The following LARGE1 variants were observed in gnomAD, a reference collection of about 807,000 sequenced individuals.
The protein encoded by LARGE1 is LARGE xylosyl- and glucuronyltransferase 1, also known as xylosyl- and glucuronyltransferase LARGE1.
A neutral mutation model predicts 87.6 loss-of-function variants in LARGE1; 43 were observed. That is an observed-to-expected ratio of 0.49 (90% CI 0.38 to 0.63). LARGE1 has a LOEUF of 0.63. Among genes scored for constraint, LARGE1 ranks in the 30% least tolerant of loss-of-function variants. The pLI is 0.00. For synonymous variants in LARGE1, 434 were observed against 394.6 expected, an observed-to-expected ratio of 1.10 and a Z score of -1.18; for missense variants, 802 against 1,000.2, an observed-to-expected ratio of 0.80 and a Z score of 2.67.
intron 7 of LARGE1, among the ~76,000 whole-genome samples, chr22:33,401,472 A>G (rs1342640194): frequency 6.6e-6 from 1 of 152,102 alleles, no homozygotes; most frequent in East Asian, 1.9e-4. Context: ...ATTAGTCATA[A>G]AAAAAATAAA....
At chr22:33,346,427 C>T (rs549207985) in intron 9 of LARGE1, among the ~76,000 whole-genome samples, 15 of 152,064 alleles carry the variant, frequency 9.9e-5, no homozygotes, top group African/African-American at 3.6e-4. Flanking sequence ...CTCAGCCTCC[C>T]GAGTAGCTGG....
At chr22:33,080,724 G>T in the LARGE1 span, among the ~76,000 whole-genome samples, 1 of 152,146 alleles carries the variant, frequency 6.6e-6, no homozygotes, top group Non-Finnish European at 1.5e-5. Context: ...CTTGCCCAAA[G>T]TTACATAATT....
rs115259841 is a variant in LARGE1, at chr22:33,395,785, G to A, written c.893-11481C>T. 4.0e-3 allele frequency among the ~76,000 whole-genome samples: 614 copies of A among 152,324 alleles called. 4 individuals carry two copies. Among genetic ancestry groups the A allele is most frequent in the African/African-American group, 0.014 (592 of 41,580 alleles). On this transcript the variant is annotated intron_variant, in intron 7 of 14. Transcript: ENST00000397394. ...CTCAGTACTTCTCACAGTGTATGATGTAGCATTCTGTAGGATGCTAGTAAA... is the reference window on the plus strand; with the variant it reads ...CTCAGTACTTCTCACAGTGTATGATATAGCATTCTGTAGGATGCTAGTAAA...
intron 5 of LARGE1, among the ~76,000 whole-genome samples, chr22:33,586,499 A>C: frequency 6.8e-6 from 1 of 147,088 alleles, no homozygotes; most frequent in Admixed American, 6.9e-5. Flanking sequence ...TCTGTCGCCC[A>C]GGCTGGAGTG....
intron 6 of LARGE1, among the ~76,000 whole-genome samples, chr22:33,454,693 T>C (rs1273754088): frequency 1.3e-5 from 2 of 150,172 alleles, no homozygotes; most frequent in African/African-American, 4.9e-5. Flanking sequence ...ACAGGAAGCA[T>C]GGCAGCCTCC....
At chr22:33,757,032 G>C (rs1181805130) in intron 2 of LARGE1, among the ~76,000 whole-genome samples, 1 of 152,172 alleles carries the variant, frequency 6.6e-6, no homozygotes, top group Admixed American at 6.5e-5. Context: ...ATAAAGCAAG[G>C]AGTTGGGTTT....
intron 6 of LARGE1, among the ~76,000 whole-genome samples, chr22:33,436,093 A>G (rs2147772048): frequency 6.6e-6 from 1 of 152,286 alleles, no homozygotes; most frequent in Admixed American, 6.5e-5. Context: ...GTTGGAGATA[A>G]AGAGTGTGGA....
the LARGE1 span, among the ~76,000 whole-genome samples, chr22:33,143,599 T>C: frequency 6.6e-6 from 1 of 152,156 alleles, no homozygotes; most frequent in Non-Finnish European, 1.5e-5. Flanking sequence ...TTCTTTTCCC[T>C]GCATGTGATT....
chr22:33,115,748 C>T, the LARGE1 span, among the ~76,000 whole-genome samples: 19 of 140,742 alleles, frequency 1.3e-4, no homozygotes, highest in South Asian at 9.3e-4. Flanking sequence ...AACTGGGAGG[C>T]GGCGGTTGCA....
chr22:33,798,120 G>A (rs1040902676), intron 1 of LARGE1, among the ~76,000 whole-genome samples: 5 of 152,108 alleles, frequency 3.3e-5, no homozygotes, highest in African/African-American at 1.2e-4. Flanking sequence ...TGAAATAGCC[G>A]TCTCTACTAA....
intron 11 of LARGE1, among the ~76,000 whole-genome samples, chr22:33,192,766 TTC>T (rs1458009769): frequency 6.6e-6 from 1 of 152,180 alleles, no homozygotes; most frequent in Non-Finnish European, 1.5e-5. Context: ...AAGAGGCTTT[TTC>T]TCTGTTTTCT....
chr22:33,579,094 G>A (rs2078436981), intron 5 of LARGE1, among the ~76,000 whole-genome samples: 1 of 152,202 alleles, frequency 6.6e-6, no homozygotes, highest in South Asian at 2.1e-4. Flanking sequence ...TTTAGAGTGT[G>A]TGATATGGTT....
intron 1 of LARGE1, among the ~76,000 whole-genome samples, chr22:33,790,308 T>G (rs1217760103): frequency 1.3e-5 from 2 of 152,172 alleles, no homozygotes; most frequent in African/African-American, 4.8e-5. Context: ...TAAACCTTTT[T>G]CCTTTATAAA....
At chr22:33,388,527 T>C (rs1453627179) in intron 7 of LARGE1, among the ~76,000 whole-genome samples, 4 of 152,232 alleles carry the variant, frequency 2.6e-5, no homozygotes, top group African/African-American at 9.6e-5. Flanking sequence ...GACTTGTACT[T>C]ATTTTGCTTC....
At position 33,228,349 on chromosome 22, in the gene LARGE1, G is replaced by A. The variant is rs111742626; in HGVS notation, c.1731-61517C>T. 6.5e-3 allele frequency among the ~76,000 whole-genome samples: 993 copies of A among 152,354 alleles called. 8 individuals are homozygous for A. Among genetic ancestry groups the A allele is most frequent in the African/African-American group, 0.022 (908 of 41,590 alleles). On this transcript the variant is annotated intron_variant, in intron 11 of 11. Coordinates refer to the LARGE1 transcript ENST00000608642. ...ACGGAAGTGCATCCTTACACTGACTGCTACATTGTTAGGCAAACATTACAT... is the reference window on the plus strand; with the variant it reads ...ACGGAAGTGCATCCTTACACTGACTACTACATTGTTAGGCAAACATTACAT...
intron 12 of LARGE1, among the ~76,000 whole-genome samples, chr22:33,300,499 C>T (rs1030499068): frequency 2.6e-5 from 4 of 152,224 alleles, no homozygotes; most frequent in African/African-American, 7.2e-5. Context: ...TCTCAACCTC[C>T]CAAGTCGCTG....
the LARGE1 span, among the ~76,000 whole-genome samples, chr22:33,069,641 A>G: frequency 6.6e-6 from 1 of 152,158 alleles, no homozygotes; most frequent in Non-Finnish European, 1.5e-5. Flanking sequence ...TGCTTAGAAT[A>G]CTTTCTGGTA....
intron 2 of LARGE1, among the ~76,000 whole-genome samples, chr22:33,664,862 A>G (rs1316450822): frequency 1.3e-5 from 2 of 152,182 alleles, no homozygotes; most frequent in East Asian, 3.9e-4. Context: ...CATCTTAAAA[A>G]AACAACAACA....
At chr22:33,459,070 A>T (rs1454035417) in intron 6 of LARGE1, among the ~76,000 whole-genome samples, 1 of 151,964 alleles carries the variant, frequency 6.6e-6, no homozygotes, top group Non-Finnish European at 1.5e-5. Context: ...GTTTGTATAT[A>T]TGTGCCATGG....
Sources: allele counts gnomAD v4.1 joint callset (sites outside exome capture counted in the v4.1 genomes callset), GRCh38; gene constraint gnomAD v4.1.1; transcripts MANE v1.5; gene names NCBI Gene and HGNC (gene_info 2026-07-23, HGNC 2026-07-21).